GSDME: variants seen among roughly 807,000 people sequenced by gnomAD.
GSDME encodes the protein gasdermin E.
A neutral mutation model predicts 47.5 loss-of-function variants in GSDME; 44 were observed. That is an observed-to-expected ratio of 0.93 (90% CI 0.73 to 1.19). The LOEUF is 1.19. Ranked by LOEUF, GSDME falls within the 50% of genes most tolerant of loss-of-function variation. The pLI is 0.00. For missense variants in GSDME, 663 were observed against 604.2 expected, an observed-to-expected ratio of 1.10 and a Z score of -1.02; for synonymous variants, 258 against 252.8, an observed-to-expected ratio of 1.02 and a Z score of -0.20.
chr7:24,720,336 A>G (rs74330281), intron 3 of GSDME, among the ~76,000 whole-genome samples: 2,578 of 152,322 alleles, frequency 0.017, 87 homozygotes, highest in African/African-American at 0.059. Flanking sequence ...GTGACAGCAC[A>G]AGAAAAATTA....
the GSDME span, among the ~76,000 whole-genome samples, chr7:24,790,287 G>A: frequency 1.3e-5 from 2 of 152,186 alleles, no homozygotes; most frequent in African/African-American, 2.4e-5. The surrounding 1 kb of genome is among the most constrained non-coding windows in gnomAD (Gnocchi z 4.1). Flanking sequence ...TATGATTTGG[G>A]TGAGCATGTA....
chr7:24,716,051 A>G lies in GSDME; in HGVS notation c.697+1203T>C, dbSNP rs75306590. Among the ~76,000 whole-genome samples, 5,877 of 152,112 alleles carry G rather than the reference A, an allele frequency of 0.039. 158 individuals carry two copies. The highest frequency in any genetic ancestry group is 0.057 in the Non-Finnish European group (3,878 of 67,960). On this transcript the variant is annotated intron_variant, in intron 5 of 9. Transcript: ENST00000645220. This position sits in a 1 kb window ranked among gnomAD's most constrained non-coding sequence, Gnocchi z 4.5. ...TGGCTGCTGAATGGCGTAGTGACTC[A>G]TGTGGGCTTAGCGAGGGCAGGAGCT...
At chr7:24,749,192 G>T (rs779216699) in intron 2 of GSDME, among the ~76,000 whole-genome samples, 15 of 151,920 alleles carry the variant, frequency 9.9e-5, no homozygotes, top group Admixed American at 7.2e-4. Flanking sequence ...TGGACTCAAG[G>T]CAATACTTGC....
In GSDME at chr7:24,726,294, A is replaced by G. The variant is rs1363418945; in HGVS notation, c.405-7076T>C. Among the ~76,000 whole-genome samples, 1 of 152,234 alleles carries G rather than the reference A, an allele frequency of 6.6e-6. No individual in the cohort carries two copies. The highest frequency in any genetic ancestry group is 1.9e-4 in the East Asian group (1 of 5,208). ...TTTTAAAAGTCTGACAATATCCAAA[A>G]GGAGGGAAGCAGGTTTCTTTACCAA... On this transcript the variant is annotated intron_variant, in intron 3 of 9. Coordinates refer to ENST00000645220, the MANE Select transcript of GSDME (RefSeq NM_001127453.2). This position sits in a 1 kb window ranked among gnomAD's most constrained non-coding sequence, Gnocchi z 5.6.
At chr7:24,730,205 C>G (rs1432505911) in intron 3 of GSDME, among the ~76,000 whole-genome samples, 2 of 152,190 alleles carry the variant, frequency 1.3e-5, no homozygotes, top group African/African-American at 4.8e-5. Flanking sequence ...ATCTGCTCAC[C>G]TGAATTCTAA....
chr7:24,787,342 T>G, the GSDME span, among the ~76,000 whole-genome samples: 1 of 152,282 alleles, frequency 6.6e-6, no homozygotes, highest in African/African-American at 2.4e-5. The surrounding 1 kb of genome is among the most constrained non-coding windows in gnomAD (Gnocchi z 5.0). Flanking sequence ...AAGAAGCACA[T>G]CGTTGTAAAC....
At position 24,754,675 on chromosome 7, in the gene GSDME, C is replaced by T; in HGVS notation, c.-20+2721G>A. On this transcript the variant is annotated intron_variant, in intron 1 of 9. Coordinates refer to ENST00000645220, the MANE Select transcript of GSDME (RefSeq NM_001127453.2). The surrounding 1 kb of genome is among the most constrained non-coding windows in gnomAD (Gnocchi z 5.0). ...ACAATGACACAAAGTTAGCAAAGCA[C>T]ACAGCCAACTGGAGCCACTGGGAAC... Among the ~76,000 whole-genome samples, 1 of 152,118 alleles carries T rather than the reference C, an allele frequency of 6.6e-6. No homozygotes were observed. Among genetic ancestry groups the T allele is most frequent in the Non-Finnish European group, 1.5e-5 (1 of 68,028 alleles).
At chr7:24,770,661 C>T in the GSDME span, among the ~76,000 whole-genome samples, 1 of 151,612 alleles carries the variant, frequency 6.6e-6, no homozygotes, top group East Asian at 1.9e-4. The surrounding 1 kb of genome is among the most constrained non-coding windows in gnomAD (Gnocchi z 4.6). Context: ...AGAAATCACC[C>T]CAGAAAGAAC....
the GSDME span, among the ~76,000 whole-genome samples, chr7:24,781,912 T>C: frequency 1.3e-5 from 2 of 151,844 alleles, no homozygotes; most frequent in Non-Finnish European, 2.9e-5. Context: ...CCTAGCTAAT[T>C]ATTTTTTGTT....
intron 6 of GSDME, 50 bp downstream of exon 6, chr7:24,710,174 G>A (rs1342930752): frequency 1.3e-6 from 2 of 1,596,150 alleles, no homozygotes; most frequent in Admixed American, 3.3e-5. Flanking sequence ...TTGGGATACA[G>A]GGCTCAGTTG....
chr7:24,699,745 TTGTCTAGTGTCCTCTGTC>T (rs1788785408), intron 9 of GSDME, among the ~76,000 whole-genome samples: 3 of 152,194 alleles, frequency 2.0e-5, no homozygotes. Context: ...TCTATCCAAT[TTGTCTAGTGTCCTCTGTC>T]TGAATCCCTA....
At chr7:24,750,438 A>G (rs2128066188) in intron 1 of GSDME, among the ~76,000 whole-genome samples, 1 of 152,236 alleles carries the variant, frequency 6.6e-6, no homozygotes, top group South Asian at 2.1e-4. Context: ...GCAACATAGC[A>G]AAACTCCAAA....
chr7:24,756,837 G>GC lies in GSDME; in HGVS notation c.-20+558dup, dbSNP rs771560415. Among the ~76,000 whole-genome samples, 75 of 152,304 alleles carry GC rather than the reference G, an allele frequency of 4.9e-4. No individual in the cohort carries two copies. The highest frequency in any genetic ancestry group is 3.4e-3 in the Middle Eastern group (1 of 294). ...GCGCATGCCAGGCACACCGAGTGGGGCTTGGCCTCCTCCCCAAGCTAGGAG... is the reference window on the plus strand; with the variant it reads ...GCGCATGCCAGGCACACCGAGTGGGGCCTTGGCCTCCTCCCCAAGCTAGGAG... On this transcript the variant is annotated intron_variant, in intron 1 of 9. Transcript: ENST00000645220. The surrounding 1 kb of genome is among the most constrained non-coding windows in gnomAD (Gnocchi z 4.2).
chr7:24,748,974 T>A lies in GSDME; in HGVS notation c.211+590A>T, dbSNP rs185875214. Among the ~76,000 whole-genome samples the A allele has an allele frequency of 4.2e-4, 64 of 152,312 alleles. 2 individuals are homozygous for A. The highest frequency in any genetic ancestry group is 3.9e-3 in the Admixed American group (60 of 15,304). ...ATCATCAGTTCAACACCAAACCACA[T>A]TTGGGGTAGGTGATCCACCCCACTT... On this transcript the variant is annotated intron_variant, in intron 2 of 9. Transcript: ENST00000645220.
upstream of GSDME, among the ~76,000 whole-genome samples, chr7:24,759,796 A>T (rs2128070303): frequency 6.6e-6 from 1 of 152,308 alleles, no homozygotes. Context: ...TGTGTTCAAG[A>T]TCTCACCTGA....
intron 3 of GSDME, among the ~76,000 whole-genome samples, chr7:24,743,614 C>G (rs1790556427): frequency 6.6e-6 from 1 of 152,208 alleles, no homozygotes; most frequent in Non-Finnish European, 1.5e-5. Context: ...CTTCAAGGTC[C>G]TGTGGGACTT....
chr7:24,719,758 G>A (rs2237309), intron 3 of GSDME, among the ~76,000 whole-genome samples: 19,444 of 151,470 alleles, frequency 0.13, 1,698 homozygotes, highest in East Asian at 0.46. Flanking sequence ...ATGCCATTGC[G>A]CTCCAGCCAG....
intron 6 of GSDME, 83 bp from the exon 7 acceptor site, chr7:24,708,337 T>A: frequency 6.6e-7 from 1 of 1,514,774 alleles, no homozygotes; most frequent in Admixed American, 1.7e-5. Context: ...TTTTTATACC[T>A]AATCGTCATC....
chr7:24,786,730 A>G, the GSDME span, among the ~76,000 whole-genome samples: 1 of 152,218 alleles, frequency 6.6e-6, no homozygotes, highest in African/African-American at 2.4e-5. The surrounding 1 kb of genome is among the most constrained non-coding windows in gnomAD (Gnocchi z 5.5). Context: ...TTGGAGGTGG[A>G]CAGTCGTGAT....
Sources: gnomAD v4.1 joint callset for allele counts (sites outside exome capture counted in the v4.1 genomes callset) on GRCh38, gnomAD v4.1.1 for gene constraint, Gnocchi (gnomAD v3.1) non-coding constraint, MANE v1.5 for transcripts, NCBI Gene and HGNC (gene_info 2026-07-23, HGNC 2026-07-21) for gene names.